The following PTPN3 variants were observed in gnomAD, a reference collection of about 807,000 sequenced individuals.
PTPN3 encodes tyrosine-protein phosphatase non-receptor type 3.
A neutral mutation model predicts 132.7 loss-of-function variants in PTPN3; 96 were observed. The observed-to-expected ratio is 0.72, with a 90% CI of 0.61 to 0.86. The LOEUF is 0.86. Among genes scored for constraint, PTPN3 ranks in the 40% least tolerant of loss-of-function variants. The pLI, the probability that PTPN3 is intolerant of heterozygous loss-of-function variation, is 0.00. For missense variants in PTPN3, 1,125 were observed against 1,159.6 expected (o/e 0.97, Z 0.43); for synonymous variants, 398 against 429.0 (o/e 0.93, Z 0.89).
At chr9:109,391,872 G>GA (rs1554777578) in intron 19 of PTPN3, among the ~76,000 whole-genome samples, 5 of 89,484 alleles carry the variant, frequency 5.6e-5, no homozygotes, top group Non-Finnish European at 9.7e-5. Flanking sequence ...ACTAGATGTG[G>GA]GGGGGGGGGG....
chr9:109,413,016 T>C (rs1251434626), intron 14 of PTPN3, among the ~76,000 whole-genome samples: 2 of 151,574 alleles, frequency 1.3e-5, no homozygotes. Flanking sequence ...CTCAGCTCAT[T>C]GCAAGCTCAA....
chr9:109,454,966 C>T (rs1195157138), intron 4 of PTPN3, among the ~76,000 whole-genome samples: 1 of 152,212 alleles, frequency 6.6e-6, no homozygotes, highest in Admixed American at 6.5e-5. Flanking sequence ...TTTTCATGTA[C>T]ATTCCTGCAT....
intron 7 of PTPN3, among the ~76,000 whole-genome samples, chr9:109,442,020 A>T (rs1209792263): frequency 6.6e-6 from 1 of 152,056 alleles, no homozygotes; most frequent in African/African-American, 2.4e-5. Context: ...ATGTAGGTGT[A>T]CCTTTTGATC....
intron 25 of PTPN3, 50 bp from the exon 26 acceptor site, chr9:109,379,683 C>T: frequency 6.9e-7 from 1 of 1,447,060 alleles, no homozygotes. Flanking sequence ...GGAAATGCTG[C>T]CTACCACACC....
intron 1 of PTPN3, among the ~76,000 whole-genome samples, chr9:109,472,257 A>C (rs1478134291): frequency 1.3e-5 from 2 of 152,108 alleles, no homozygotes; most frequent in African/African-American, 4.8e-5. Context: ...ATTCACCAAC[A>C]CCAATGCTTA....
At position 109,431,706 on chromosome 9, in the gene PTPN3, T is replaced by C. The variant is rs144019148; in HGVS notation, c.764+1367A>G. On this transcript the variant is annotated intron_variant, in intron 10 of 25. Transcript: ENST00000374541. ...TTAACTGAACAGCGTCTATTAAGTA[T>C]GTATGCTACTTAAGCGTTTTCCTAC... 3.6e-3 allele frequency among the ~76,000 whole-genome samples: 545 copies of C among 152,384 alleles called. 7 individuals carry two copies. Among genetic ancestry groups the C allele is most frequent in the East Asian group, 0.024 (124 of 5,194 alleles).
At chr9:109,480,834 G>A (rs952945722) in intron 1 of PTPN3, among the ~76,000 whole-genome samples, 11 of 152,138 alleles carry the variant, frequency 7.2e-5, no homozygotes, top group Admixed American at 1.3e-4. Flanking sequence ...CACCACTGCC[G>A]CACAGGCAGC....
intron 7 of PTPN3, among the ~76,000 whole-genome samples, chr9:109,439,119 G>C (rs56221881): frequency 2.0e-4 from 30 of 152,268 alleles, no homozygotes; most frequent in African/African-American, 6.5e-4. Flanking sequence ...ACCTGTACAA[G>C]TGTCCATGGC....
At chr9:109,406,066 C>T (rs1027584622) in intron 18 of PTPN3, among the ~76,000 whole-genome samples, 10 of 152,176 alleles carry the variant, frequency 6.6e-5, no homozygotes, top group Non-Finnish European at 1.5e-4. Context: ...ACTGCCTCCC[C>T]GACAAAATCA....
intron 1 of PTPN3, among the ~76,000 whole-genome samples, chr9:109,490,411 T>C (rs1329250850): frequency 6.6e-6 from 1 of 152,124 alleles, no homozygotes; most frequent in Non-Finnish European, 1.5e-5. Flanking sequence ...GTGAGGGGCA[T>C]TCTACAAAAT....
intron 14 of PTPN3, among the ~76,000 whole-genome samples, chr9:109,418,474 G>A (rs1842678242): frequency 6.6e-6 from 1 of 152,230 alleles, no homozygotes; most frequent in Non-Finnish European, 1.5e-5. Flanking sequence ...GTGGTGTGGA[G>A]CGCCCAGACT....
intron 9 of PTPN3, among the ~76,000 whole-genome samples, chr9:109,436,352 C>T (rs566213442): frequency 7.9e-5 from 12 of 152,182 alleles, no homozygotes; most frequent in South Asian, 2.1e-4. Flanking sequence ...ATGGTATTAC[C>T]GCAGGAAATA....
intron 1 of PTPN3, among the ~76,000 whole-genome samples, chr9:109,485,355 A>T (rs921969634): frequency 1.3e-5 from 2 of 152,000 alleles, no homozygotes; most frequent in Non-Finnish European, 2.9e-5. Flanking sequence ...AAATACAAAA[A>T]AAATTAGCTG....
chr9:109,408,878 T>TATAA, intron 16 of PTPN3, among the ~76,000 whole-genome samples: 1 of 146,622 alleles, frequency 6.8e-6, no homozygotes, highest in African/African-American at 2.5e-5. Flanking sequence ...TATATATATA[T>TATAA]ATAGGGGCTT....
chr9:109,420,629 T>G, intron 13 of PTPN3, 29 bp from the exon 14 acceptor site: 3 of 1,581,000 alleles, frequency 1.9e-6, no homozygotes, highest in Non-Finnish European at 2.6e-6. Flanking sequence ...GAGTGCAAAG[T>G]GTTCAAAGCA....
At chr9:109,436,334 T>C (rs1170453528) in intron 9 of PTPN3, among the ~76,000 whole-genome samples, 1 of 152,222 alleles carries the variant, frequency 6.6e-6, no homozygotes, top group Admixed American at 6.5e-5. Flanking sequence ...TGATAACATA[T>C]GGAACTCATG....
intron 19 of PTPN3, among the ~76,000 whole-genome samples, chr9:109,395,576 C>T (rs1273889057): frequency 2.0e-5 from 3 of 152,116 alleles, no homozygotes; most frequent in Non-Finnish European, 2.9e-5. Context: ...AGCTTAAGCT[C>T]AGGAGTTTGA....
chr9:109,399,139 A>T (rs1250630245), intron 19 of PTPN3, among the ~76,000 whole-genome samples: 1 of 152,218 alleles, frequency 6.6e-6, no homozygotes, highest in Non-Finnish European at 1.5e-5. Flanking sequence ...AGCAATGGCG[A>T]GTTGCCGACA....
intron 1 of PTPN3, among the ~76,000 whole-genome samples, chr9:109,490,755 A>T (rs554786143): frequency 6.6e-6 from 1 of 152,034 alleles, no homozygotes. Context: ...ACAACAACAA[A>T]AAAAGTCAAG....
Sources: gnomAD v4.1 joint callset for allele counts (sites outside exome capture counted in the v4.1 genomes callset) on GRCh38, gnomAD v4.1.1 for gene constraint, MANE v1.5 for transcripts, NCBI Gene and HGNC (gene_info 2026-07-23, HGNC 2026-07-21) for gene names.